Variants in CTIF observed in about 807,000 individuals in gnomAD.
The protein encoded by CTIF is CBP80/20-dependent translation initiation factor.
In CTIF, 21 loss-of-function variants were observed where a neutral mutation model predicts 66.0. That is an observed-to-expected ratio of 0.32 (90% CI 0.23 to 0.46). The LOEUF (loss-of-function observed/expected upper bound fraction) is 0.46. Among genes scored for constraint, CTIF ranks in the 20% least tolerant of loss-of-function variants. The pLI is 1.00. For missense variants in CTIF, 739 were observed against 812.7 expected (o/e 0.91, Z 1.10); for synonymous variants, 345 against 326.4 (o/e 1.06, Z -0.62).
At chr18:48,652,489 T>G (rs988134748) in intron 3 of CTIF, among the ~76,000 whole-genome samples, 5 of 152,188 alleles carry the variant, frequency 3.3e-5, no homozygotes, top group African/African-American at 1.2e-4. Flanking sequence ...GAGGCAATAA[T>G]GAATAGCCTA....
intron 3 of CTIF, among the ~76,000 whole-genome samples, chr18:48,655,398 T>G (rs2091230908): frequency 6.6e-6 from 1 of 151,694 alleles, no homozygotes; most frequent in South Asian, 2.1e-4. Flanking sequence ...AATCCTGTTT[T>G]CTCCACTCTC....
intron 9 of CTIF, among the ~76,000 whole-genome samples, chr18:48,775,077 T>C (rs1315832433): frequency 6.6e-6 from 1 of 152,178 alleles, no homozygotes; most frequent in Non-Finnish European, 1.5e-5. Context: ...CCTTACCACC[T>C]GTGGCATAAG....
At chr18:48,764,996 A>G (rs960903998) in intron 9 of CTIF, among the ~76,000 whole-genome samples, 1 of 152,180 alleles carries the variant, frequency 6.6e-6, no homozygotes, top group Admixed American at 6.5e-5. Context: ...GAGCCTCCTC[A>G]GGCCCTGTGC....
At chr18:48,544,156 G>A (rs1486848947) in intron 1 of CTIF, among the ~76,000 whole-genome samples, 2 of 152,252 alleles carry the variant, frequency 1.3e-5, no homozygotes, top group Non-Finnish European at 2.9e-5. Flanking sequence ...TACTGGTAGG[G>A]AGAAGGACAG....
At chr18:48,784,026 A>G (rs1008538154) in intron 9 of CTIF, among the ~76,000 whole-genome samples, 1 of 152,210 alleles carries the variant, frequency 6.6e-6, no homozygotes, top group Non-Finnish European at 1.5e-5. Flanking sequence ...ACCAAGATTC[A>G]TTCATTTATC....
At chr18:48,811,442 T>C (rs4939814) in intron 9 of CTIF, among the ~76,000 whole-genome samples, 13,083 of 152,230 alleles carry the variant, frequency 0.086, 675 homozygotes, top group Admixed American at 0.15. Context: ...ACATAAAATA[T>C]ACTATTTCAA....
chr18:48,733,812 T>G (rs2092476186), intron 7 of CTIF, among the ~76,000 whole-genome samples: 1 of 151,960 alleles, frequency 6.6e-6, no homozygotes, highest in Admixed American at 6.6e-5. Context: ...CACCCCAGAG[T>G]GCTTGCTCCC....
chr18:48,584,734 A>G (rs2089730716), intron 1 of CTIF, among the ~76,000 whole-genome samples: 1 of 152,130 alleles, frequency 6.6e-6, no homozygotes, highest in Non-Finnish European at 1.5e-5. Flanking sequence ...AAGCTCTCCC[A>G]TCTCTGACGA....
chr18:48,735,825 A>G (rs770302400), intron 7 of CTIF, among the ~76,000 whole-genome samples: 25 of 152,170 alleles, frequency 1.6e-4, no homozygotes, highest in South Asian at 2.1e-4. Context: ...TTCCATCTCC[A>G]GTCCTCCCTG....
In CTIF at chr18:48,769,981, TTGGG is replaced by T. The variant is rs1406550952; in HGVS notation, c.1371+8297_1371+8300del. On this transcript the variant is annotated intron_variant, in intron 9 of 11. Transcript: ENST00000256413. ...GACCAGATCGCCCTGACTGTTCAGT[TTGGG>T]TGGGGCGGGGGAACATGTGGCTTCC... 1.6e-4 allele frequency among the ~76,000 whole-genome samples: 25 copies of T among 152,226 alleles called. 1 individual carries two copies. The highest frequency in any genetic ancestry group is 6.0e-4 in the African/African-American group (25 of 41,552).
intron 3 of CTIF, chr18:48,662,000 C>CT (rs2091354937): frequency 6.6e-6 from 1 of 152,274 alleles, no homozygotes; most frequent in South Asian, 2.1e-4. Flanking sequence ...CCGCTATCTC[C>CT]TGTGGGAGAG....
rs556036000 is a variant in CTIF, at chr18:48,610,521, G to A, written c.-28-9017G>A. On this transcript the variant is annotated intron_variant, in intron 1 of 11. Coordinates refer to ENST00000256413, the MANE Select transcript of CTIF (RefSeq NM_014772.3). ...CTCCGAGAGGAAGTGCTCATCAGGAGCCAGGAATCTAATGAGGCACCCCCC... is the reference window on the plus strand; with the variant it reads ...CTCCGAGAGGAAGTGCTCATCAGGAACCAGGAATCTAATGAGGCACCCCCC... 3.3e-5 allele frequency among the ~76,000 whole-genome samples: 5 copies of A among 152,304 alleles called. No homozygotes were observed. The South Asian group carries it at 1.0e-3, about 32-fold the overall frequency.
intron 3 of CTIF, among the ~76,000 whole-genome samples, chr18:48,655,571 G>A (rs1463393031): frequency 1.3e-5 from 2 of 152,182 alleles, no homozygotes; most frequent in Admixed American, 1.3e-4. Flanking sequence ...AGTCCTTTGG[G>A]GAGTGGAGAC....
At chr18:48,825,552 G>A (rs758509672) in intron 10 of CTIF, among the ~76,000 whole-genome samples, 12 of 152,218 alleles carry the variant, frequency 7.9e-5, no homozygotes, top group African/African-American at 1.7e-4. Flanking sequence ...GAGATGAAGC[G>A]GGTGTGGGTG....
chr18:48,857,144 C>T (rs192595836), intron 10 of CTIF, among the ~76,000 whole-genome samples: 1 of 152,270 alleles, frequency 6.6e-6, no homozygotes, highest in East Asian at 1.9e-4. Flanking sequence ...TGGCCAGGGC[C>T]CAGGGGTGCC....
At chr18:48,546,790 A>G (rs999297465) in intron 1 of CTIF, among the ~76,000 whole-genome samples, 4 of 152,232 alleles carry the variant, frequency 2.6e-5, no homozygotes, top group African/African-American at 4.8e-5. Context: ...TGGACTAGAC[A>G]GCAGCCCGTC....
At chr18:48,751,648 A>G (rs1002990552) in intron 7 of CTIF, among the ~76,000 whole-genome samples, 2 of 152,226 alleles carry the variant, frequency 1.3e-5, no homozygotes, top group Non-Finnish European at 2.9e-5. Flanking sequence ...TAATCATATC[A>G]GGAGTCTGGA....
At chr18:48,774,612 G>A (rs1403284284) in intron 9 of CTIF, among the ~76,000 whole-genome samples, 4 of 152,022 alleles carry the variant, frequency 2.6e-5, no homozygotes, top group Admixed American at 6.5e-5. Flanking sequence ...GCTCAAAATC[G>A]TCCCCCCTCC....
At chr18:48,549,275 G>C (rs902061614) in intron 1 of CTIF, among the ~76,000 whole-genome samples, 1 of 152,166 alleles carries the variant, frequency 6.6e-6, no homozygotes, top group African/African-American at 2.4e-5. Context: ...TTCAGATGGG[G>C]CTCAGTTTAC....
Sources: allele counts gnomAD v4.1 joint callset (sites outside exome capture counted in the v4.1 genomes callset), GRCh38; gene constraint gnomAD v4.1.1; transcripts MANE v1.5; gene names NCBI Gene and HGNC (gene_info 2026-07-23, HGNC 2026-07-21).